NEMP2: variants seen among roughly 807,000 people sequenced by gnomAD.
NEMP2 encodes UPF0571 transmembrane protein.
In NEMP2, 53 loss-of-function variants were observed where a neutral mutation model predicts 54.2. The observed-to-expected ratio is 0.98, with a 90% CI of 0.78 to 1.23. The LOEUF (loss-of-function observed/expected upper bound fraction) is 1.23, where lower values mean the gene tolerates loss of function less well. Ranked by LOEUF, NEMP2 falls within the 50% of genes most tolerant of loss-of-function variation. The pLI is 0.00. For missense variants in NEMP2, 455 were observed against 511.3 expected, an observed-to-expected ratio of 0.89 and a Z score of 1.06; for synonymous variants, 197 against 190.3, an observed-to-expected ratio of 1.04 and a Z score of -0.29.
chr2:190,526,242 G>A (rs1416251546), intron 1 of NEMP2, among the ~76,000 whole-genome samples: 3 of 152,194 alleles, frequency 2.0e-5, no homozygotes, highest in African/African-American at 4.8e-5. Flanking sequence ...CAGGGTGAAG[G>A]TATGGGTACC....
At chr2:190,543,071 C>A in the NEMP2 span, among the ~76,000 whole-genome samples, 1 of 152,182 alleles carries the variant, frequency 6.6e-6, no homozygotes, top group African/African-American at 2.4e-5. The surrounding 1 kb of genome is among the most constrained non-coding windows in gnomAD (Gnocchi z 4.7). Context: ...TGATAGTCTT[C>A]CCTCCACCCG....
the NEMP2 span, among the ~76,000 whole-genome samples, chr2:190,476,653 T>C: frequency 6.6e-6 from 1 of 152,216 alleles, no homozygotes; most frequent in African/African-American, 2.4e-5. Context: ...TGGCGATTCC[T>C]CAGGGATCTA....
chr2:190,512,875 C>T lies in NEMP2; in HGVS notation c.953+1578G>A, dbSNP rs1361843433. Among the ~76,000 whole-genome samples the T allele has an allele frequency of 6.6e-6, 1 of 152,372 alleles. No individual in the cohort carries two copies. The highest frequency in any genetic ancestry group is 1.9e-4 in the East Asian group (1 of 5,192). Reference sequence around the variant, plus strand: ...GCATCTTCTGTGCGGGCTCCCTGTCCTGTCAATGGTGCAATTTTAACCCTG... The same window carrying T: ...GCATCTTCTGTGCGGGCTCCCTGTCTTGTCAATGGTGCAATTTTAACCCTG... On this transcript the variant is annotated intron_variant, in intron 7 of 8. Transcript: ENST00000409150. This position sits in a 1 kb window ranked among gnomAD's most constrained non-coding sequence, Gnocchi z 4.5.
chr2:190,562,571 G>A, the NEMP2 span, among the ~76,000 whole-genome samples: 1 of 152,088 alleles, frequency 6.6e-6, no homozygotes, highest in East Asian at 1.9e-4. The surrounding 1 kb of genome is among the most constrained non-coding windows in gnomAD (Gnocchi z 5.0). Context: ...CCCACCCCTT[G>A]GACAAGTCCT....
chr2:190,488,742 C>T, the NEMP2 span: 13 of 1,610,490 alleles, frequency 8.1e-6, no homozygotes, highest in Non-Finnish European at 1.1e-5. This position sits in a 1 kb window ranked among gnomAD's most constrained non-coding sequence, Gnocchi z 6.4. Flanking sequence ...CTGCTCAGGG[C>T]ATCCTGCAGG....
At chr2:190,443,290 G>A in the NEMP2 span, among the ~76,000 whole-genome samples, 2 of 152,232 alleles carry the variant, frequency 1.3e-5, no homozygotes, top group Admixed American at 6.5e-5. The surrounding 1 kb of genome is among the most constrained non-coding windows in gnomAD (Gnocchi z 4.2). Flanking sequence ...ATATGGCCTT[G>A]GACAAGTTAC....
chr2:190,514,809 G>T lies in NEMP2; in HGVS notation c.728-131C>A. 1 of 828,194 alleles carries T rather than the reference G, an allele frequency of 1.2e-6. No homozygotes were observed. Among genetic ancestry groups the T allele is most frequent in the Non-Finnish European group, 1.9e-6 (1 of 529,422 alleles). 51.3% of individuals were successfully genotyped at this position (828,194 alleles called of 1,614,324 possible). The stretch of plus-strand genomic sequence containing the variant: ...ATTTTTGTGTTTTTTACCCCATAAA[G>T]TAAGGTTGAAAAATGCACATAGGGT... On this transcript the variant is annotated intron_variant, in intron 6 of 8. Coordinates refer to ENST00000409150, the MANE Select transcript of NEMP2 (RefSeq NM_001142645.2). This position sits in a 1 kb window ranked among gnomAD's most constrained non-coding sequence, Gnocchi z 5.7.
At chr2:190,440,149 A>T in the NEMP2 span, among the ~76,000 whole-genome samples, 1 of 152,216 alleles carries the variant, frequency 6.6e-6, no homozygotes, top group African/African-American at 2.4e-5. Context: ...TGGCACTACC[A>T]TATATTTGTG....
the NEMP2 span, among the ~76,000 whole-genome samples, chr2:190,572,837 A>ATATATATATG: frequency 1.5e-5 from 1 of 65,670 alleles, no homozygotes; most frequent in African/African-American, 6.6e-5. Flanking sequence ...TCATGAGTAT[A>ATATATATATG]TATATATATA....
the NEMP2 span, among the ~76,000 whole-genome samples, chr2:190,612,299 G>C: frequency 6.6e-6 from 1 of 152,000 alleles, no homozygotes; most frequent in South Asian, 2.1e-4. Context: ...GGGACCACAG[G>C]TGCGTGCCAC....
the NEMP2 span, among the ~76,000 whole-genome samples, chr2:190,461,571 T>C: frequency 1.3e-5 from 2 of 152,298 alleles, no homozygotes; most frequent in South Asian, 2.1e-4. The surrounding 1 kb of genome is among the most constrained non-coding windows in gnomAD (Gnocchi z 5.5). Context: ...GATCAAAGTG[T>C]TGGCAGGTTC....
At chr2:190,645,734 G>A in the NEMP2 span, among the ~76,000 whole-genome samples, 1 of 152,286 alleles carries the variant, frequency 6.6e-6, no homozygotes, top group African/African-American at 2.4e-5. Context: ...CATGAAATGT[G>A]ATTTTCCATG....
At chr2:190,647,919 A>G in the NEMP2 span, among the ~76,000 whole-genome samples, 15 of 152,026 alleles carry the variant, frequency 9.9e-5, no homozygotes, top group Non-Finnish European at 1.5e-5. Context: ...TCACCACGTT[A>G]GCCAGGCTGG....
At chr2:190,488,526 TA>T in the NEMP2 span, 1 of 870,404 alleles carries the variant, frequency 1.1e-6, no homozygotes, top group Non-Finnish European at 1.6e-6. The surrounding 1 kb of genome is among the most constrained non-coding windows in gnomAD (Gnocchi z 6.4). Flanking sequence ...GTGAAAATGG[TA>T]AATTTTTAAT....
the NEMP2 span, chr2:190,463,799 A>T: frequency 2.3e-6 from 2 of 851,560 alleles, no homozygotes; most frequent in Non-Finnish European, 2.8e-6. This position sits in a 1 kb window ranked among gnomAD's most constrained non-coding sequence, Gnocchi z 4.4. Flanking sequence ...CAGCCTGGGT[A>T]ACAGAGCAAG....
In NEMP2 at chr2:190,507,782, A is replaced by T. The variant is rs1281597265; in HGVS notation, c.*1407T>A. 3 of 152,142 alleles carry T rather than the reference A, an allele frequency of 2.0e-5. No homozygotes were observed. Among genetic ancestry groups the T allele is most frequent in the African/African-American group, 7.2e-5 (3 of 41,450 alleles). The allele number at this position is 152,142 out of a possible 1,614,324, so 9.4% of individuals were successfully genotyped here. On this transcript the variant is annotated 3_prime_UTR_variant, in exon 9 of 9. Coordinates refer to ENST00000409150, the MANE Select transcript of NEMP2 (RefSeq NM_001142645.2). The surrounding 1 kb of genome is among the most constrained non-coding windows in gnomAD (Gnocchi z 4.4). Reference sequence around the variant, plus strand: ...AGATGGATAGTCATGCTCTTTTTTCATGATTTAGAAAAACTACTTAATTTG... The same window carrying T: ...AGATGGATAGTCATGCTCTTTTTTCTTGATTTAGAAAAACTACTTAATTTG...
the NEMP2 span, among the ~76,000 whole-genome samples, chr2:190,560,054 C>CGTCTGGACATAA: frequency 1.3e-5 from 2 of 152,258 alleles, no homozygotes; most frequent in East Asian, 3.9e-4. The surrounding 1 kb of genome is among the most constrained non-coding windows in gnomAD (Gnocchi z 5.4). Flanking sequence ...ATGTGTGGGC[C>CGTCTGGACATAA]AGACTCAGGA....
chr2:190,442,919 CT>C, the NEMP2 span: 6 of 152,182 alleles, frequency 3.9e-5, no homozygotes, highest in East Asian at 9.7e-4. Flanking sequence ...GAGAAATGGG[CT>C]GAGGAAAATC....
the NEMP2 span, among the ~76,000 whole-genome samples, chr2:190,450,192 C>G: frequency 6.6e-6 from 1 of 151,982 alleles, no homozygotes; most frequent in Non-Finnish European, 1.5e-5. Flanking sequence ...TTGTACAAGT[C>G]AAAAGTCTTA....
Sources: allele counts gnomAD v4.1 joint callset (sites outside exome capture counted in the v4.1 genomes callset), GRCh38; gene constraint gnomAD v4.1.1; non-coding constraint Gnocchi (gnomAD v3.1); transcripts MANE v1.5; gene names NCBI Gene and HGNC (gene_info 2026-07-23, HGNC 2026-07-21).